The following SLC9A8 variants were observed in gnomAD, a reference collection of about 807,000 sequenced individuals.
SLC9A8 encodes sodium/hydrogen exchanger 8.
In SLC9A8, 48 loss-of-function variants were observed where a neutral mutation model predicts 66.6. The observed-to-expected ratio is 0.72, with a 90% CI of 0.57 to 0.92. SLC9A8 has a LOEUF of 0.92. Among genes scored for constraint, SLC9A8 ranks in the 40% least tolerant of loss-of-function variants. SLC9A8 has a pLI of 0.00. For missense variants in SLC9A8, 599 were observed against 747.3 expected (o/e 0.80, Z 2.31); for synonymous variants, 274 against 282.6 (o/e 0.97, Z 0.31).
At chr20:49,873,443 T>C (rs1195165406) in intron 10 of SLC9A8, among the ~76,000 whole-genome samples, 2 of 146,510 alleles carry the variant, frequency 1.4e-5, no homozygotes, top group African/African-American at 2.6e-5. Flanking sequence ...TACCACGCCA[T>C]TGCACTCCAG....
chr20:49,840,951 T>TA (rs1173951985), intron 4 of SLC9A8, among the ~76,000 whole-genome samples: 11 of 142,680 alleles, frequency 7.7e-5, no homozygotes, highest in Non-Finnish European at 1.7e-4. Flanking sequence ...ACTCCGTCTC[T>TA]AAAAAAATAC....
intron 7 of SLC9A8, among the ~76,000 whole-genome samples, 192 bp from the exon 8 acceptor site, chr20:49,855,241 CAGTTT>C (rs1280545091): frequency 2.6e-5 from 4 of 152,208 alleles, no homozygotes; most frequent in African/African-American, 7.2e-5. Context: ...CCTAACAACT[CAGTTT>C]AGAGTGGGCC....
chr20:49,813,568 T>C (rs2086438183), intron 1 of SLC9A8, among the ~76,000 whole-genome samples: 1 of 152,158 alleles, frequency 6.6e-6, no homozygotes, highest in Non-Finnish European at 1.5e-5. Context: ...ACGCTAAGCA[T>C]GTGGGAGTTA....
At chr20:49,826,182 A>G (rs1026023276) in intron 3 of SLC9A8, among the ~76,000 whole-genome samples, 1 of 152,250 alleles carries the variant, frequency 6.6e-6, no homozygotes. Flanking sequence ...TCCAGAAAGT[A>G]CTTTTTAAAA....
At position 49,888,083 on chromosome 20, in the gene SLC9A8, C is replaced by T; in HGVS notation, c.*147C>T. 1.6e-6 allele frequency: 1 copy of T among 628,542 alleles called. No individual in the cohort carries two copies. Among genetic ancestry groups the T allele is most frequent in the South Asian group, 1.8e-5 (1 of 54,854 alleles). The allele number at this position is 628,542 out of a possible 1,614,324, so 38.9% of individuals were successfully genotyped here. A position where few individuals can be genotyped will look rare whatever the true frequency, so the allele number is the denominator to read the frequency against. On this transcript the variant is annotated 3_prime_UTR_variant, in exon 16 of 16. Transcript: ENST00000361573. ...GGGCGAGGTACTGGCTGCAGAGTCG[C>T]CTTAGTCCAGAACCTGACAGGCCTC...
At chr20:49,832,100 C>G (rs926462934) in intron 3 of SLC9A8, among the ~76,000 whole-genome samples, 14 of 152,160 alleles carry the variant, frequency 9.2e-5, no homozygotes, top group African/African-American at 3.4e-4. Context: ...CCCACATTCT[C>G]CAGCCTGCCC....
intron 3 of SLC9A8, among the ~76,000 whole-genome samples, chr20:49,838,394 T>C (rs1323108118): frequency 2.0e-5 from 3 of 152,388 alleles, no homozygotes; most frequent in African/African-American, 7.2e-5. Flanking sequence ...CCATGCCCTC[T>C]GGCAAGGGAA....
intron 4 of SLC9A8, among the ~76,000 whole-genome samples, chr20:49,842,040 A>ATTTATTTTAT (rs1172892487): frequency 6.7e-6 from 1 of 149,324 alleles, no homozygotes; most frequent in African/African-American, 2.5e-5. Flanking sequence ...TGGCCTATAT[A>ATTTATTTTAT]TTTATTTTAT....
intron 11 of SLC9A8, among the ~76,000 whole-genome samples, chr20:49,877,654 T>C (rs1231806515): frequency 6.6e-6 from 1 of 152,246 alleles, no homozygotes; most frequent in African/African-American, 2.4e-5. Flanking sequence ...GTTGGGGCCC[T>C]TGCTAATGAC....
At chr20:49,832,443 G>C (rs1332539098) in intron 3 of SLC9A8, among the ~76,000 whole-genome samples, 1 of 152,102 alleles carries the variant, frequency 6.6e-6, no homozygotes, top group Non-Finnish European at 1.5e-5. Flanking sequence ...AGGGCGCTTG[G>C]GATGTTGCAT....
intron 3 of SLC9A8, among the ~76,000 whole-genome samples, chr20:49,828,963 G>C (rs888955520): frequency 2.6e-5 from 4 of 151,258 alleles, no homozygotes; most frequent in African/African-American, 9.7e-5. Context: ...TTTTAACACA[G>C]TGCAAATACA....
rs546316106 is a variant in SLC9A8, at chr20:49,871,928, A to G, written c.959-2777A>G. Among the ~76,000 whole-genome samples, 474 of 152,334 alleles carry G rather than the reference A, an allele frequency of 3.1e-3. 2 individuals are homozygous for G. Among genetic ancestry groups the G allele is most frequent in the Non-Finnish European group, 5.5e-3 (372 of 68,016 alleles). On this transcript the variant is annotated intron_variant, in intron 10 of 15. Coordinates refer to ENST00000361573, the MANE Select transcript of SLC9A8 (RefSeq NM_015266.3). ...GGAAAACCAGAAGGAAGACTGGTCC[A>G]TGTTAGATCCTCAGTCCCACAGGGC...
intron 12 of SLC9A8, among the ~76,000 whole-genome samples, chr20:49,879,335 A>C (rs1026165931): frequency 6.6e-6 from 1 of 152,202 alleles, no homozygotes; most frequent in African/African-American, 2.4e-5. Flanking sequence ...ACCAGATTTG[A>C]GACTTGGATC....
chr20:49,887,787 G>A lies in SLC9A8; in HGVS notation c.1639-42G>A, dbSNP rs377549022. 5.4e-6 allele frequency: 8 copies of A among 1,486,846 alleles called. No individual in the cohort carries two copies. In the African/African-American group the frequency reaches 1.1e-4, roughly 21 times the overall value. The allele number at this position is 1,486,846 out of a possible 1,614,324, so 92.1% of individuals were successfully genotyped here. ...AGCATCCCCTCCCTTCCATGGCCCT[G>A]CCCCTGACGCCCTGACGGCTTGGTT... On this transcript the variant is annotated intron_variant, in intron 15 of 15. Transcript: ENST00000361573.
intron 7 of SLC9A8, 145 bp from the exon 8 acceptor site, chr20:49,855,293 G>GA (rs2088427693): frequency 2.4e-6 from 2 of 850,832 alleles, no homozygotes; most frequent in Admixed American, 2.4e-5. Context: ...GATAAGTGGG[G>GA]AAAAAATACG....
chr20:49,834,435 A>ATATATATATATACTGTATATATATACTG (rs2087435941), intron 3 of SLC9A8, among the ~76,000 whole-genome samples: 1 of 25,514 alleles, frequency 3.9e-5, no homozygotes, highest in Non-Finnish European at 7.7e-5. Flanking sequence ...TATATACTGT[A>ATATATATATATACTGTATATATATACTG]TATATATATA....
intron 2 of SLC9A8, among the ~76,000 whole-genome samples, chr20:49,821,431 T>C (rs945731454): frequency 6.6e-6 from 1 of 152,230 alleles, no homozygotes; most frequent in African/African-American, 2.4e-5. Context: ...CTAGGTTAAA[T>C]ATTTATATAA....
intron 1 of SLC9A8, among the ~76,000 whole-genome samples, chr20:49,814,014 T>C (rs909137418): frequency 6.6e-6 from 1 of 152,174 alleles, no homozygotes; most frequent in Non-Finnish European, 1.5e-5. Flanking sequence ...TGAAGATGAA[T>C]AAGGAACCCC....
rs753029601 is a variant in SLC9A8 at position 49,884,576 on chromosome 20, G to A, written c.1491+510G>A. ...ACACCTGTCAGGGCCCAGGTTTGAG[G>A]GTTTCAAAATCCTGTCATTCCCCAG... is the stretch of plus-strand genomic sequence containing the variant. On this transcript the variant is annotated intron_variant, in intron 14 of 15. Transcript: ENST00000361573. 6.6e-4 allele frequency among the ~76,000 whole-genome samples: 100 copies of A among 152,116 alleles called. 1 individual carries two copies. The highest frequency in any genetic ancestry group is 1.2e-3 in the Non-Finnish European group (83 of 68,012).
Sources: allele counts gnomAD v4.1 joint callset (sites outside exome capture counted in the v4.1 genomes callset), GRCh38; gene constraint gnomAD v4.1.1; transcripts MANE v1.5; gene names NCBI Gene and HGNC (gene_info 2026-07-23, HGNC 2026-07-21).